Variants in MSMO1 observed in about 807,000 individuals in gnomAD.
MSMO1 encodes the protein C-4 methylsterol oxidase.
MSMO1 carries 18 observed loss-of-function variants against 30.4 expected under a neutral mutation model. The ratio of observed to expected loss-of-function variants is 0.59; its 90% CI spans 0.41 to 0.88. The LOEUF is 0.88. Ranked by LOEUF, MSMO1 falls within the 40% of genes least tolerant of loss-of-function variation. The pLI is 0.00. For synonymous variants in MSMO1, 84 were observed against 107.9 expected, an observed-to-expected ratio of 0.78 and a Z score of 1.37; for missense variants, 284 against 340.5, an observed-to-expected ratio of 0.83 and a Z score of 1.31.
intron 1 of MSMO1, among the ~76,000 whole-genome samples, chr4:165,329,328 C>CT (rs1332618615): frequency 6.6e-6 from 1 of 152,066 alleles, no homozygotes; most frequent in Non-Finnish European, 1.5e-5. Flanking sequence ...GCACCTTTCT[C>CT]TAGAAGTTCA....
chr4:165,329,463 A>G (rs948450051), intron 1 of MSMO1, among the ~76,000 whole-genome samples: 5 of 151,886 alleles, frequency 3.3e-5, no homozygotes. Flanking sequence ...CAGCTAGCAC[A>G]ATGAATGCAC....
chr4:165,337,558 C>G (rs534706221), intron 2 of MSMO1, among the ~76,000 whole-genome samples: 62 of 152,264 alleles, frequency 4.1e-4, no homozygotes, highest in African/African-American at 1.4e-3. Flanking sequence ...CATAGTGTTT[C>G]TTAGTTTGTT....
Position 165,329,625 on chromosome 4 carries a change from A to ATTTTTTTTTTTTTTT in MSMO1, c.-32+1874_-32+1888dup, listed in dbSNP as rs1171733863. Among the ~76,000 whole-genome samples the ATTTTTTTTTTTTTTT allele has an allele frequency of 1.8e-4, 12 of 68,004 alleles. 3 individuals carry two copies. Among genetic ancestry groups the ATTTTTTTTTTTTTTT allele is most frequent in the African/African-American group, 6.6e-4 (10 of 15,150 alleles). The allele number at this position is 68,004 out of a possible 152,430, so 44.6% of individuals were successfully genotyped here. On this transcript the variant is annotated intron_variant, in intron 1 of 5. Coordinates refer to ENST00000261507, the MANE Select transcript of MSMO1 (RefSeq NM_006745.5). Reference sequence around the variant, plus strand: ...ATTTGGCAGCTGGAGATCCATAGCGATTTTTTTTTTTTTTTTTTTTTTTTT... The same window carrying ATTTTTTTTTTTTTTT: ...ATTTGGCAGCTGGAGATCCATAGCGATTTTTTTTTTTTTTTTTTTTTTTTTTTTTTTTTTTTTTTT...
At chr4:165,331,891 T>A (rs1208150464) in intron 1 of MSMO1, among the ~76,000 whole-genome samples, 1 of 151,984 alleles carries the variant, frequency 6.6e-6, no homozygotes, top group Non-Finnish European at 1.5e-5. Flanking sequence ...TATGTCAGAT[T>A]TTTTTTTCTG....
intron 4 of MSMO1, 138 bp downstream of exon 4, chr4:165,338,916 A>G: frequency 1.5e-6 from 1 of 645,986 alleles, no homozygotes. Flanking sequence ...ATACACACAC[A>G]TACAAACAAG....
Position 165,339,096 on chromosome 4 carries a change from C to CTTTTTTTTTT in MSMO1, c.531+334_531+343dup, listed in dbSNP as rs869192459. 8.8e-3 allele frequency among the ~76,000 whole-genome samples: 534 copies of CTTTTTTTTTT among 60,520 alleles called. 94 individuals are homozygous for CTTTTTTTTTT. Among genetic ancestry groups the CTTTTTTTTTT allele is most frequent in the Middle Eastern group, 0.059 (2 of 34 alleles). 39.7% of individuals were successfully genotyped at this position (60,520 alleles called of 152,430 possible). On this transcript the variant is annotated intron_variant, in intron 4 of 5. Coordinates refer to ENST00000261507, the MANE Select transcript of MSMO1 (RefSeq NM_006745.5). ...AAAACAGTAACTTCTATGAGCACTGCTTTTTTTTTTTTTTTTTTTTTTTTT... is the reference window on the plus strand; with the variant it reads ...AAAACAGTAACTTCTATGAGCACTGCTTTTTTTTTTTTTTTTTTTTTTTTTTTTTTTTTTT...
rs1346826130 is a variant in MSMO1 at position 165,341,868 on chromosome 4, G to A, written c.804G>A (p.Trp268Ter). 1.2e-6 allele frequency: 2 copies of A among 1,613,292 alleles called. No individual in the cohort carries two copies. Among genetic ancestry groups the A allele is most frequent in the Non-Finnish European group, 1.7e-6 (2 of 1,179,568 alleles). Residue 268 changes from tryptophan to a stop codon, truncating the protein, a stop_gained, in exon 6 of 6, where the codon TGG becomes TGA. Transcript: ENST00000261507. LOFTEE classifies it high-confidence loss of function. ...IGNYASTFTWWDRIFGTDSQY... is the reference protein window; with the variant it reads ...IGNYASTFTW ...ACTATGCTTCAACATTTACATGGTG[G>A]GATCGAATTTTTGGAACAGACTCTC...
intron 2 of MSMO1, among the ~76,000 whole-genome samples, chr4:165,336,090 G>C (rs2126622790): frequency 6.6e-6 from 1 of 152,258 alleles, no homozygotes; most frequent in African/African-American, 2.4e-5. Context: ...AATAGAAGAA[G>C]TTGGTGGTGG....
rs869192459 is a variant in MSMO1 at position 165,339,096 on chromosome 4, C to CTTTTTTTTTTTTTTTTTT, written c.531+326_531+343dup. Among the ~76,000 whole-genome samples the CTTTTTTTTTTTTTTTTTT allele has an allele frequency of 3.0e-4, 18 of 60,522 alleles. 1 individual carries two copies. The highest frequency in any genetic ancestry group is 6.6e-4 in the East Asian group (1 of 1,512). The allele number at this position is 60,522 out of a possible 152,430, so 39.7% of individuals were successfully genotyped here. ...AAAACAGTAACTTCTATGAGCACTG[C>CTTTTTTTTTTTTTTTTTT]TTTTTTTTTTTTTTTTTTTTTTTTT... On this transcript the variant is annotated intron_variant, in intron 4 of 5. Transcript: ENST00000261507.
chr4:165,333,452 C>A lies in MSMO1; in HGVS notation c.82C>A (p.Pro28Thr). The A allele has an allele frequency of 6.2e-7, 1 of 1,612,786 alleles. No individual in the cohort carries two copies. Among genetic ancestry groups the A allele is most frequent in the East Asian group, 2.2e-5 (1 of 44,776 alleles). ...EYVDSLLPEN[P>T]LQEPFKNAWN... is the part of the protein sequence containing the mutation. ...TGTAGATTCACTTTTACCTGAGAAT[C>A]CTCTGCAAGAACCATTTAAAAATGC... Residue 28 changes from proline to threonine, a missense_variant, in exon 2 of 6, where the codon CCT (proline) becomes ACT (threonine). Physicochemically the swap from Pro to Thr is conservative, Grantham distance 38. Transcript: ENST00000261507.
In MSMO1 at chr4:165,342,304, T is replaced by G; in HGVS notation, c.*358T>G. On this transcript the variant is annotated 3_prime_UTR_variant, in exon 6 of 6. Transcript: ENST00000261507. ...ATTGGGTCTTTAAATCTTTTAGATA[T>G]ATACTGGTCATTTCAGAAAATTCTT... is the stretch of plus-strand genomic sequence containing the variant. The G allele has an allele frequency of 5.6e-6, 1 of 180,026 alleles. No individual in the cohort carries two copies. The highest frequency in any genetic ancestry group is 1.2e-5 in the Non-Finnish European group (1 of 85,972). 11.2% of individuals were successfully genotyped at this position (180,026 alleles called of 1,614,324 possible). A position where few individuals can be genotyped will look rare whatever the true frequency, so the allele number is the denominator to read the frequency against.
chr4:165,336,326 C>G (rs1331028916), intron 2 of MSMO1, among the ~76,000 whole-genome samples: 1 of 151,512 alleles, frequency 6.6e-6, no homozygotes, highest in East Asian at 1.9e-4. Flanking sequence ...AGTTTGTGGC[C>G]CTTGTAAAGG....
chr4:165,337,757 C>G, intron 2 of MSMO1, 32 bp from the exon 3 acceptor site: 7 of 1,608,752 alleles, frequency 4.4e-6, no homozygotes, highest in Non-Finnish European at 6.0e-6. Flanking sequence ...ATAGCAGAGA[C>G]TAATATTAGA....
chr4:165,340,280 T>C lies in MSMO1; in HGVS notation c.591T>C (p.Thr197=). 1 of 1,614,042 alleles carries C rather than the reference T, an allele frequency of 6.2e-7. No homozygotes were observed. ...CTTTGGAGACTCTAATTCTTGGAAC[T>C]GGATTTTTCATTGGAATCGTGCTTT... is the stretch of plus-strand genomic sequence containing the variant. ...AHPLETLILG[T]GFFIGIVLLC... The change falls in exon 5 of 6, where the codon ACT becomes ACC. Residue 197 remains threonine, a synonymous_variant. Transcript: ENST00000261507.
rs1459649857 is a variant in MSMO1, at chr4:165,342,723, A to G, written c.*777A>G. 3.3e-5 allele frequency: 5 copies of G among 152,214 alleles called. No homozygotes were observed. Among genetic ancestry groups the G allele is most frequent in the African/African-American group, 9.7e-5 (4 of 41,438 alleles). 9.4% of individuals were successfully genotyped at this position (152,214 alleles called of 1,614,324 possible). A position where few individuals can be genotyped will look rare whatever the true frequency, so the allele number is the denominator to read the frequency against. On this transcript the variant is annotated 3_prime_UTR_variant, in exon 6 of 6. Coordinates refer to ENST00000261507, the MANE Select transcript of MSMO1 (RefSeq NM_006745.5). ...AAATATCATGGATTGAACCTCATCA[A>G]TTGATAGCAGTGAGTGACTGAAGCT...
At chr4:165,337,748 T>G (rs1188313764) in intron 2 of MSMO1, 41 bp from the exon 3 acceptor site, 29 of 1,602,700 alleles carry the variant, frequency 1.8e-5, no homozygotes, top group Non-Finnish European at 2.4e-5. Context: ...TAAACTCTGA[T>G]AGCAGAGACT....
intron 2 of MSMO1, among the ~76,000 whole-genome samples, chr4:165,334,885 GGTT>G (rs953632261): frequency 6.6e-6 from 1 of 152,066 alleles, no homozygotes; most frequent in African/African-American, 2.4e-5. Context: ...CATATCCATG[GGTT>G]GTTGTATCCA....
At position 165,339,092 on chromosome 4, in the gene MSMO1, A is replaced by G. The variant is rs1473315658; in HGVS notation, c.531+314A>G. On this transcript the variant is annotated intron_variant, in intron 4 of 5. Coordinates refer to ENST00000261507, the MANE Select transcript of MSMO1 (RefSeq NM_006745.5). ...CACAAAAACAGTAACTTCTATGAGC[A>G]CTGCTTTTTTTTTTTTTTTTTTTTT... Among the ~76,000 whole-genome samples, 5 of 79,190 alleles carry G rather than the reference A, an allele frequency of 6.3e-5. 1 individual carries two copies. The Middle Eastern group carries it at 0.029, about 457-fold the overall frequency. 52.0% of individuals were successfully genotyped at this position (79,190 alleles called of 152,430 possible).
chr4:165,338,035 G>T (rs1363744279), intron 3 of MSMO1, 98 bp downstream of exon 3: 8 of 1,162,738 alleles, frequency 6.9e-6, no homozygotes, highest in Non-Finnish European at 1.0e-5. Flanking sequence ...GTTAATGTTT[G>T]TTCTAAACTT....
Sources: allele counts gnomAD v4.1 joint callset (sites outside exome capture counted in the v4.1 genomes callset), GRCh38; gene constraint gnomAD v4.1.1; transcripts MANE v1.5; gene names NCBI Gene and HGNC (gene_info 2026-07-23, HGNC 2026-07-21).